NRXN1: variants seen among roughly 807,000 people sequenced by gnomAD.
NRXN1 encodes neurexin 1, also known as neurexin-1.
A neutral mutation model predicts 150.9 loss-of-function variants in NRXN1; 39 were observed. The observed-to-expected ratio is 0.26, with a 90% CI of 0.20 to 0.34. The LOEUF (loss-of-function observed/expected upper bound fraction) is 0.34. Among genes scored for constraint, NRXN1 ranks in the 10% least tolerant of loss-of-function variants. The pLI, the probability that NRXN1 is intolerant of heterozygous loss-of-function variation, is 1.00. For synonymous variants in NRXN1, 924 were observed against 757.0 expected (o/e 1.22, Z -3.62); for missense variants, 1,815 against 1,949.9 (o/e 0.93, Z 1.30).
intron 5 of NRXN1, among the ~76,000 whole-genome samples, chr2:50,782,722 C>A (rs1704524458): frequency 6.6e-6 from 1 of 152,162 alleles, no homozygotes; most frequent in Non-Finnish European, 1.5e-5. Context: ...GGCTGCATGG[C>A]ATTCCTCTCC....
chr2:50,357,302 A>ATTTATTTATTTTT (rs59536239), intron 17 of NRXN1, among the ~76,000 whole-genome samples: 4 of 142,838 alleles, frequency 2.8e-5, no homozygotes, highest in South Asian at 4.6e-4. Context: ...TTATTTATTT[A>ATTTATTTATTTTT]TTTTTTTTTT....
At chr2:50,963,251 C>CA (rs1039271254) in intron 2 of NRXN1, among the ~76,000 whole-genome samples, 2 of 151,438 alleles carry the variant, frequency 1.3e-5, no homozygotes, top group African/African-American at 4.8e-5. Flanking sequence ...AAAAAACAAA[C>CA]AACAACAACA....
At chr2:50,390,383 A>C (rs1260612456) in intron 17 of NRXN1, among the ~76,000 whole-genome samples, 1 of 152,204 alleles carries the variant, frequency 6.6e-6, no homozygotes, top group Non-Finnish European at 1.5e-5. Flanking sequence ...GAAAACTTAT[A>C]ATTTAAGAGA....
intron 18 of NRXN1, among the ~76,000 whole-genome samples, chr2:50,141,833 A>G (rs1304890297): frequency 2.0e-5 from 3 of 152,078 alleles, no homozygotes; most frequent in East Asian, 3.9e-4. Context: ...AGAAAAGGCA[A>G]TTCTTACACA....
intron 17 of NRXN1, among the ~76,000 whole-genome samples, chr2:50,309,509 G>T (rs1440014845): frequency 6.6e-6 from 1 of 152,094 alleles, no homozygotes; most frequent in East Asian, 1.9e-4. Flanking sequence ...AAATAAAAGA[G>T]ACTTTTCCCC....
intron 16 of NRXN1, among the ~76,000 whole-genome samples, chr2:50,471,250 C>T (rs920445550): frequency 2.0e-5 from 3 of 151,606 alleles, no homozygotes; most frequent in African/African-American, 7.3e-5. Flanking sequence ...CATTCAATCC[C>T]CTTCCCACGA....
intron 2 of NRXN1, among the ~76,000 whole-genome samples, chr2:50,930,780 T>G (rs1397659447): frequency 6.6e-6 from 1 of 152,140 alleles, no homozygotes; most frequent in Non-Finnish European, 1.5e-5. Flanking sequence ...GAGAAATGAA[T>G]GCTTCCTGAT....
chr2:50,961,022 TA>T (rs1693092000), intron 2 of NRXN1, among the ~76,000 whole-genome samples: 1 of 151,894 alleles, frequency 6.6e-6, no homozygotes, highest in South Asian at 2.1e-4. Context: ...AAAAATTAGG[TA>T]ACATTTGGAA....
chr2:50,470,398 A>G (rs1054449682), intron 16 of NRXN1, among the ~76,000 whole-genome samples: 1 of 151,766 alleles, frequency 6.6e-6, no homozygotes, highest in African/African-American at 2.4e-5. Context: ...AAATATACTA[A>G]TAACATTAAA....
At chr2:50,387,413 G>C (rs2081397065) in intron 17 of NRXN1, among the ~76,000 whole-genome samples, 1 of 152,072 alleles carries the variant, frequency 6.6e-6, no homozygotes, top group Admixed American at 6.6e-5. Context: ...CTCTCACTGG[G>C]ACACTGTTCT....
chr2:50,938,069 T>C (rs1329720040), intron 2 of NRXN1, among the ~76,000 whole-genome samples: 1 of 151,986 alleles, frequency 6.6e-6, no homozygotes, highest in East Asian at 1.9e-4. Flanking sequence ...AGTAAAAATA[T>C]GATTTTTTTT....
intron 17 of NRXN1, among the ~76,000 whole-genome samples, chr2:50,330,384 C>A (rs1225861946): frequency 6.6e-6 from 1 of 152,076 alleles, no homozygotes; most frequent in Non-Finnish European, 1.5e-5. Flanking sequence ...AAGAGTTCGA[C>A]AGAAAGAATT....
chr2:50,543,086 G>C (rs2093424687), intron 9 of NRXN1, among the ~76,000 whole-genome samples: 1 of 152,010 alleles, frequency 6.6e-6, no homozygotes, highest in African/African-American at 2.4e-5. Context: ...AAAGGCTGAG[G>C]TACATAAATG....
rs564563396 is a variant in NRXN1, at chr2:50,783,781, A to T, written c.832+138088T>A. On this transcript the variant is annotated intron_variant, in intron 5 of 22. Coordinates refer to ENST00000401669, the MANE Select transcript of NRXN1 (RefSeq NM_001330078.2). Reference sequence around the variant, plus strand: ...GTGTGGGAATAACTCATTCTGAACCACTGGTCCCCCAAAGGCATATCCATA... The same window carrying T: ...GTGTGGGAATAACTCATTCTGAACCTCTGGTCCCCCAAAGGCATATCCATA... Among the ~76,000 whole-genome samples, 5 of 152,230 alleles carry T rather than the reference A, an allele frequency of 3.3e-5. 1 individual carries two copies. The highest frequency in any genetic ancestry group is 9.6e-5 in the African/African-American group (4 of 41,560).
At chr2:50,111,636 C>G (rs1702391383) in intron 18 of NRXN1, among the ~76,000 whole-genome samples, 1 of 150,676 alleles carries the variant, frequency 6.6e-6, no homozygotes, top group Non-Finnish European at 1.5e-5. Context: ...GACACTCTGT[C>G]TCAAAAAAAA....
intron 15 of NRXN1, among the ~76,000 whole-genome samples, chr2:50,495,374 GT>G (rs2091515710): frequency 1.4e-3 from 11 of 7,716 alleles, no homozygotes; most frequent in East Asian, 8.2e-3. Context: ...GTGTGTGTGT[GT>G]GTGTGGTGTG....
At chr2:50,647,107 AC>A (rs1684933568) in intron 5 of NRXN1, among the ~76,000 whole-genome samples, 1 of 151,722 alleles carries the variant, frequency 6.6e-6, no homozygotes, top group Non-Finnish European at 1.5e-5. Flanking sequence ...TTGAATAATT[AC>A]CCGCTGAACA....
At chr2:50,173,294 T>C (rs1046009532) in intron 18 of NRXN1, among the ~76,000 whole-genome samples, 2 of 152,226 alleles carry the variant, frequency 1.3e-5, no homozygotes, top group Non-Finnish European at 2.9e-5. Flanking sequence ...TTAAGTCTCA[T>C]GATGGAAAGA....
intron 19 of NRXN1, among the ~76,000 whole-genome samples, chr2:50,059,084 A>C (rs1216090677): frequency 6.6e-6 from 1 of 152,202 alleles, no homozygotes; most frequent in Non-Finnish European, 1.5e-5. Flanking sequence ...AACAGTTTGG[A>C]GAGCTCAGAC....
Sources: gnomAD v4.1 joint callset for allele counts (sites outside exome capture counted in the v4.1 genomes callset) on GRCh38, gnomAD v4.1.1 for gene constraint, MANE v1.5 for transcripts, NCBI Gene and HGNC (gene_info 2026-07-23, HGNC 2026-07-21) for gene names.